RIMS1: variants seen among roughly 807,000 people sequenced by gnomAD.
RIMS1 encodes regulating synaptic membrane exocytosis protein 1.
RIMS1 carries 83 observed loss-of-function variants against 214.1 expected under a neutral mutation model. The observed-to-expected ratio is 0.39, with a 90% CI of 0.32 to 0.47. The LOEUF (loss-of-function observed/expected upper bound fraction) is 0.47. Ranked by LOEUF, RIMS1 falls within the 20% of genes least tolerant of loss-of-function variation. The pLI is 0.99. For synonymous variants in RIMS1, 793 were observed against 786.8 expected (o/e 1.01, Z -0.13); for missense variants, 2,050 against 2,161.8 (o/e 0.95, Z 1.03).
intron 9 of RIMS1, among the ~76,000 whole-genome samples, chr6:72,242,112 A>G (rs376862430): frequency 2.0e-5 from 3 of 152,188 alleles, no homozygotes; most frequent in East Asian, 3.9e-4. Flanking sequence ...TGGGGGAAAA[A>G]AAGAAAAACA....
chr6:71,923,567 C>CTTTTTTTTTTTT (rs200418479), intron 1 of RIMS1, among the ~76,000 whole-genome samples: 1 of 150,856 alleles, frequency 6.6e-6, no homozygotes. Context: ...CTTTTTGTGA[C>CTTTTTTTTTTTT]TTTTCTTTTT....
intron 1 of RIMS1, among the ~76,000 whole-genome samples, chr6:71,895,322 C>T (rs1328358642): frequency 6.6e-6 from 1 of 152,182 alleles, no homozygotes; most frequent in African/African-American, 2.4e-5. Flanking sequence ...GGTGCACAAG[C>T]ATTGTGTGCC....
chr6:72,027,016 A>T (rs1488629930), intron 2 of RIMS1, among the ~76,000 whole-genome samples: 1 of 152,258 alleles, frequency 6.6e-6, no homozygotes, highest in Non-Finnish European at 1.5e-5. Context: ...AGAAAAATGA[A>T]GAACAATACA....
chr6:72,139,730 T>G (rs1296276767), intron 4 of RIMS1, among the ~76,000 whole-genome samples: 1 of 152,164 alleles, frequency 6.6e-6, no homozygotes, highest in African/African-American at 2.4e-5. Flanking sequence ...TTTTAATATT[T>G]TTTTCAAAAG....
chr6:72,212,360 A>C (rs967699904), intron 6 of RIMS1, among the ~76,000 whole-genome samples: 1 of 151,404 alleles, frequency 6.6e-6, no homozygotes, highest in Non-Finnish European at 1.5e-5. Flanking sequence ...ATGTATTTGC[A>C]TCTGATAGAA....
chr6:72,061,081 G>A (rs1291978125), intron 2 of RIMS1, among the ~76,000 whole-genome samples: 1 of 151,998 alleles, frequency 6.6e-6, no homozygotes, highest in East Asian at 1.9e-4. Flanking sequence ...GTGATTATTT[G>A]GAACTCTAGA....
Position 71,886,887 on chromosome 6 carries a change from C to T in RIMS1, c.-137C>T, listed in dbSNP as rs1421557093. 28 of 881,590 alleles carry T rather than the reference C, an allele frequency of 3.2e-5. No homozygotes were observed. The highest frequency in any genetic ancestry group is 5.1e-5 in the African/African-American group (3 of 59,272). The allele number at this position is 881,590 out of a possible 1,614,324, so 54.6% of individuals were successfully genotyped here. A position where few individuals can be genotyped will look rare whatever the true frequency, so the allele number is the denominator to read the frequency against. ...CCGGCTCTGCTGCTGCTGCTGCTGC[C>T]GCCGCCGCCGCTGCTCCTCCTCCTG... On this transcript the variant is annotated 5_prime_UTR_variant, in exon 1 of 34. Coordinates refer to ENST00000521978, the MANE Select transcript of RIMS1 (RefSeq NM_014989.7).
intron 9 of RIMS1, among the ~76,000 whole-genome samples, chr6:72,238,153 A>G (rs905558575): frequency 2.6e-5 from 4 of 152,076 alleles, no homozygotes; most frequent in Non-Finnish European, 5.9e-5. Flanking sequence ...CTGGAGAGTA[A>G]GGGTAGGAAT....
chr6:72,267,615 C>G (rs1383534901), intron 22 of RIMS1, among the ~76,000 whole-genome samples: 2 of 152,122 alleles, frequency 1.3e-5, no homozygotes, highest in Non-Finnish European at 2.9e-5. Context: ...TGCACCACTC[C>G]CACTTTGGAC....
chr6:72,011,567 T>C (rs957590532), intron 2 of RIMS1, among the ~76,000 whole-genome samples: 4 of 152,176 alleles, frequency 2.6e-5, no homozygotes, highest in South Asian at 2.1e-4. Context: ...AGAAAATTTT[T>C]GCAATCTACT....
At chr6:71,923,123 G>A (rs1382389553) in intron 1 of RIMS1, among the ~76,000 whole-genome samples, 1 of 152,102 alleles carries the variant, frequency 6.6e-6, no homozygotes, top group Non-Finnish European at 1.5e-5. Flanking sequence ...CAGATCTCAA[G>A]GCACTCATGT....
At chr6:72,034,973 T>C (rs1229947322) in intron 2 of RIMS1, among the ~76,000 whole-genome samples, 2 of 152,228 alleles carry the variant, frequency 1.3e-5, no homozygotes, top group Admixed American at 1.3e-4. Flanking sequence ...TCTCCAATAG[T>C]ACTAATTGTT....
chr6:72,196,597 T>TTTTTTTTTTTTG, intron 6 of RIMS1, among the ~76,000 whole-genome samples: 1 of 134,510 alleles, frequency 7.4e-6, no homozygotes, highest in Admixed American at 7.6e-5. Context: ...TTTTTTTTTT[T>TTTTTTTTTTTTG]TTTTTTACCT....
chr6:72,061,838 AT>A (rs911539332), intron 2 of RIMS1, among the ~76,000 whole-genome samples: 2 of 152,212 alleles, frequency 1.3e-5, no homozygotes, highest in Non-Finnish European at 2.9e-5. Context: ...TAACATTTTT[AT>A]TTTTCCCCTA....
intron 2 of RIMS1, among the ~76,000 whole-genome samples, chr6:71,972,919 G>T (rs1204879203): frequency 6.6e-6 from 1 of 152,036 alleles, no homozygotes; most frequent in Non-Finnish European, 1.5e-5. Context: ...CGGATTTTTT[G>T]TTTGTTTGTT....
At chr6:72,224,627 A>G (rs920372770) in intron 6 of RIMS1, among the ~76,000 whole-genome samples, 2 of 152,222 alleles carry the variant, frequency 1.3e-5, no homozygotes, top group East Asian at 3.8e-4. Context: ...CCCCTGGAAG[A>G]TAATTCCTTT....
At chr6:71,931,308 T>G (rs1782959677) in intron 1 of RIMS1, among the ~76,000 whole-genome samples, 1 of 152,026 alleles carries the variant, frequency 6.6e-6, no homozygotes, top group South Asian at 2.1e-4. Flanking sequence ...AATCTGACAG[T>G]AATATAAGAT....
chr6:72,113,388 T>G (rs999078996), intron 4 of RIMS1, among the ~76,000 whole-genome samples: 2 of 152,198 alleles, frequency 1.3e-5, no homozygotes, highest in Non-Finnish European at 2.9e-5. Context: ...CTATATTTTA[T>G]TCTTATTTTT....
At chr6:72,348,433 T>A (rs368047312) in intron 29 of RIMS1, among the ~76,000 whole-genome samples, 1 of 151,998 alleles carries the variant, frequency 6.6e-6, no homozygotes, top group East Asian at 1.9e-4. Context: ...GCAACCTCCC[T>A]TTTCCTTTCT....
Sources: gnomAD v4.1 joint callset for allele counts (sites outside exome capture counted in the v4.1 genomes callset) on GRCh38, gnomAD v4.1.1 for gene constraint, MANE v1.5 for transcripts, NCBI Gene and HGNC (gene_info 2026-07-23, HGNC 2026-07-21) for gene names.